PTPRD: variants seen among roughly 807,000 people sequenced by gnomAD.
PTPRD encodes receptor-type tyrosine-protein phosphatase delta.
Under a neutral mutation model 214.5 loss-of-function variants are expected in PTPRD, and 34 were observed. The observed-to-expected ratio is 0.16, with a 90% CI of 0.12 to 0.21. PTPRD has a LOEUF of 0.21. PTPRD is among the 10% of genes least tolerant of loss of function. The pLI is 1.00. For synonymous variants in PTPRD, 1,128 were observed against 845.7 expected, an observed-to-expected ratio of 1.33 and a Z score of -5.79; for missense variants, 2,545 against 2,398.7, an observed-to-expected ratio of 1.06 and a Z score of -1.27.
intron 9 of PTPRD, among the ~76,000 whole-genome samples, chr9:9,219,943 G>GT (rs576034493): frequency 1.6e-3 from 244 of 152,226 alleles, no homozygotes; most frequent in African/African-American, 5.6e-3. Flanking sequence ...GCATTCTGTA[G>GT]TTTTTTTCAT....
At chr9:9,965,775 C>G (rs2094646889) in intron 4 of PTPRD, among the ~76,000 whole-genome samples, 1 of 152,100 alleles carries the variant, frequency 6.6e-6, no homozygotes, top group African/African-American at 2.4e-5. Flanking sequence ...GAAATAGTAA[C>G]AGTACTTATG....
chr9:8,534,813 G>C (rs1276450457), intron 14 of PTPRD, among the ~76,000 whole-genome samples: 2 of 151,798 alleles, frequency 1.3e-5, no homozygotes, highest in East Asian at 3.9e-4. Flanking sequence ...GTCTTAAGGT[G>C]GTCAAATAAG....
intron 11 of PTPRD, among the ~76,000 whole-genome samples, chr9:8,810,215 A>T (rs1486073988): frequency 6.6e-6 from 1 of 152,360 alleles, no homozygotes; most frequent in South Asian, 2.1e-4. Flanking sequence ...TTGCCATAGT[A>T]TGATAGACTT....
chr9:9,742,005 G>C (rs572957572), intron 6 of PTPRD, among the ~76,000 whole-genome samples: 2 of 152,162 alleles, frequency 1.3e-5, no homozygotes, highest in South Asian at 2.1e-4. Flanking sequence ...GGTATTTCCG[G>C]TTCTAGATCT....
chr9:9,943,870 C>G (rs1230901323), intron 4 of PTPRD, among the ~76,000 whole-genome samples: 3 of 152,106 alleles, frequency 2.0e-5, no homozygotes, highest in African/African-American at 7.2e-5. Flanking sequence ...ACTGCTAGCC[C>G]CAGCTCTCAT....
At chr9:9,830,765 T>C (rs1017787378) in intron 5 of PTPRD, among the ~76,000 whole-genome samples, 4 of 151,982 alleles carry the variant, frequency 2.6e-5, no homozygotes, top group African/African-American at 9.7e-5. Flanking sequence ...CAGAGTAGTC[T>C]TAAGCAGACT....
At chr9:9,742,354 AG>A (rs1407145864) in intron 6 of PTPRD, among the ~76,000 whole-genome samples, 8 of 151,742 alleles carry the variant, frequency 5.3e-5, no homozygotes, top group African/African-American at 9.7e-5. Context: ...GCATGTAAAA[AG>A]AAATGTGACC....
At chr9:8,655,578 A>T (rs2096892741) in intron 12 of PTPRD, among the ~76,000 whole-genome samples, 1 of 152,182 alleles carries the variant, frequency 6.6e-6, no homozygotes, top group Non-Finnish European at 1.5e-5. Context: ...AAAAACATAA[A>T]GGAGATTTAA....
At chr9:9,852,043 C>T (rs2060641451) in intron 5 of PTPRD, among the ~76,000 whole-genome samples, 1 of 152,058 alleles carries the variant, frequency 6.6e-6, no homozygotes, top group African/African-American at 2.4e-5. Context: ...TAGTATATAA[C>T]TCTTCTCATC....
intron 10 of PTPRD, among the ~76,000 whole-genome samples, chr9:9,054,146 T>C (rs565405374): frequency 1.0e-3 from 155 of 152,262 alleles, no homozygotes; most frequent in African/African-American, 3.6e-3. Flanking sequence ...TTGCATGTAA[T>C]CCTCACAACA....
chr9:9,488,140 T>C (rs1420030955), intron 8 of PTPRD, among the ~76,000 whole-genome samples: 1 of 152,148 alleles, frequency 6.6e-6, no homozygotes, highest in African/African-American at 2.4e-5. Flanking sequence ...CTGATGTAAA[T>C]AATGCGGAAT....
chr9:10,057,119 C>G (rs1338687573), intron 3 of PTPRD, among the ~76,000 whole-genome samples: 1 of 152,102 alleles, frequency 6.6e-6, no homozygotes, highest in Non-Finnish European at 1.5e-5. Context: ...GATGGTTCTC[C>G]TAAATTTTCC....
chr9:9,923,118 TGGGGG>T (rs757591811), intron 5 of PTPRD, among the ~76,000 whole-genome samples: 8 of 147,732 alleles, frequency 5.4e-5, no homozygotes, highest in Non-Finnish European at 1.0e-4. Flanking sequence ...ACTGTGTGTG[TGGGGG>T]GTGTGTGTGT....
At chr9:9,657,394 T>C (rs547410136) in intron 7 of PTPRD, among the ~76,000 whole-genome samples, 2 of 151,284 alleles carry the variant, frequency 1.3e-5, no homozygotes, top group African/African-American at 2.4e-5. Context: ...TAAGTGGGAG[T>C]TGAACAGTGA....
At chr9:9,058,774 A>C (rs1569517272) in intron 10 of PTPRD, among the ~76,000 whole-genome samples, 1 of 152,050 alleles carries the variant, frequency 6.6e-6, no homozygotes, top group Non-Finnish European at 1.5e-5. Flanking sequence ...AGCAAAGGAA[A>C]AGAAAATCTT....
At chr9:10,418,933 T>C (rs546364178) in intron 2 of PTPRD, among the ~76,000 whole-genome samples, 4 of 151,960 alleles carry the variant, frequency 2.6e-5, no homozygotes, top group African/African-American at 7.2e-5. Context: ...GGATCTCTTC[T>C]GGGAATAGTC....
intron 2 of PTPRD, among the ~76,000 whole-genome samples, chr9:10,488,482 T>A (rs2099147766): frequency 6.6e-6 from 1 of 151,796 alleles, no homozygotes; most frequent in African/African-American, 2.4e-5. Flanking sequence ...TTGTTCAAGG[T>A]CCTGGGACTC....
rs148695588 is a variant in PTPRD at position 10,341,488 on chromosome 9, G to A, written c.-599-471C>T. On this transcript the variant is annotated intron_variant, in intron 2 of 45. Transcript: ENST00000381196. The stretch of plus-strand genomic sequence containing the variant: ...GAGTGATCAGACATTAATGTTTTGC[G>A]TTTCAAAGATAATATTGGGTGCAAA... 1.5e-3 allele frequency among the ~76,000 whole-genome samples: 230 copies of A among 151,906 alleles called. 3 individuals carry two copies. The highest frequency in any genetic ancestry group is 0.014 in the Middle Eastern group (4 of 294).
At chr9:9,164,805 G>C (rs571342968) in intron 10 of PTPRD, among the ~76,000 whole-genome samples, 1 of 151,870 alleles carries the variant, frequency 6.6e-6, no homozygotes, top group African/African-American at 2.4e-5. Context: ...CTGAGGTCAG[G>C]AGTTCGTGAC....
Sources: allele counts gnomAD v4.1 joint callset (sites outside exome capture counted in the v4.1 genomes callset), GRCh38; gene constraint gnomAD v4.1.1; transcripts MANE v1.5; gene names NCBI Gene and HGNC (gene_info 2026-07-23, HGNC 2026-07-21).